ANO3: variants seen among roughly 807,000 people sequenced by gnomAD.
ANO3 encodes anoctamin-3.
Under a neutral mutation model 144.8 loss-of-function variants are expected in ANO3, and 99 were observed. The observed-to-expected ratio is 0.68, with a 90% confidence interval of 0.58 to 0.81. The LOEUF is 0.81. Ranked by LOEUF, ANO3 falls within the 30% of genes least tolerant of loss-of-function variation. ANO3 has a pLI of 0.00. For missense variants in ANO3, 905 were observed against 1,202.2 expected (o/e 0.75, Z 3.66); for synonymous variants, 414 against 392.6 (o/e 1.05, Z -0.64).
At chr11:26,619,775 A>G (rs887916124) in intron 17 of ANO3, among the ~76,000 whole-genome samples, 3 of 152,168 alleles carry the variant, frequency 2.0e-5, no homozygotes, top group Non-Finnish European at 2.9e-5. Context: ...CCAAAAAACT[A>G]CAGATTCTTG....
rs1392526966 is a variant in ANO3 at position 26,516,813 on chromosome 11, A to G, written c.592-14A>G. ...GATTCTAAATAATGTTGCCTATCTT[A>G]CTATCATTTGCAGCCAGCTATTGCA... is the stretch of plus-strand genomic sequence containing the variant. On this transcript the variant is annotated splice_polypyrimidine_tract_variant and intron_variant, in intron 5 of 26. Coordinates refer to ENST00000256737, the MANE Select transcript of ANO3 (RefSeq NM_031418.4). 3 of 1,569,304 alleles carry G rather than the reference A, an allele frequency of 1.9e-6. No individual in the cohort carries two copies. Among genetic ancestry groups the G allele is most frequent in the Admixed American group, 1.7e-5 (1 of 59,138 alleles).
At chr11:26,644,597 C>T (rs557690889) in intron 23 of ANO3, among the ~76,000 whole-genome samples, 1 of 152,254 alleles carries the variant, frequency 6.6e-6, no homozygotes, top group African/African-American at 2.4e-5. Context: ...TCTATTTCTG[C>T]AACAACTCCA....
At chr11:26,591,620 A>G (rs552764686) in intron 14 of ANO3, among the ~76,000 whole-genome samples, 1 of 152,322 alleles carries the variant, frequency 6.6e-6, no homozygotes, top group South Asian at 2.1e-4. Context: ...CATTCTCCAT[A>G]GAACCTCTTG....
intron 1 of ANO3, among the ~76,000 whole-genome samples, chr11:26,196,753 C>A (rs1851597406): frequency 6.6e-6 from 1 of 152,144 alleles, no homozygotes; most frequent in Non-Finnish European, 1.5e-5. Context: ...AAAATACATA[C>A]ACAGTCACAT....
chr11:26,413,955 C>G (rs547933305), intron 1 of ANO3, among the ~76,000 whole-genome samples: 1 of 152,054 alleles, frequency 6.6e-6, no homozygotes, highest in Non-Finnish European at 1.5e-5. Context: ...TGAAACTTCT[C>G]TTAGACACAG....
chr11:26,552,606 C>G lies in ANO3; in HGVS notation c.1290-643C>G, dbSNP rs984665535. 2.0e-5 allele frequency among the ~76,000 whole-genome samples: 3 copies of G among 152,092 alleles called. No homozygotes were observed. In the East Asian group the frequency reaches 5.8e-4, roughly 29 times the overall value. The stretch of plus-strand genomic sequence containing the variant: ...GTCACAAAGTCATCTAAAATGTATG[C>G]TGAGAAATTTTCTTAAAGGCAGTGG... On this transcript the variant is annotated intron_variant, in intron 12 of 26. Coordinates refer to ENST00000256737, the MANE Select transcript of ANO3 (RefSeq NM_031418.4).
At chr11:26,325,598 C>A (rs1418084874) in intron 1 of ANO3, among the ~76,000 whole-genome samples, 1 of 152,202 alleles carries the variant, frequency 6.6e-6, no homozygotes, top group East Asian at 1.9e-4. Flanking sequence ...CTTCAAAAAT[C>A]TTTTCATCCT....
At chr11:26,567,135 A>C in intron 14 of ANO3, 4 of 1,422,088 alleles carry the variant, frequency 2.8e-6, no homozygotes, top group Non-Finnish European at 3.7e-6. Context: ...GGCTAGTAAC[A>C]GAAGCTGGAA....
At chr11:26,339,792 T>A (rs1427037949) in intron 1 of ANO3, among the ~76,000 whole-genome samples, 1 of 152,170 alleles carries the variant, frequency 6.6e-6, no homozygotes, top group East Asian at 1.9e-4. Context: ...AAGCGTGAAA[T>A]AATATTCTTA....
chr11:26,493,700 C>T (rs1373380717), intron 4 of ANO3, among the ~76,000 whole-genome samples: 1 of 152,162 alleles, frequency 6.6e-6, no homozygotes, highest in East Asian at 1.9e-4. Flanking sequence ...AGTTCTGGAC[C>T]TGAGAAAGTG....
chr11:26,500,612 C>A (rs1219138753), intron 4 of ANO3, among the ~76,000 whole-genome samples: 2 of 151,990 alleles, frequency 1.3e-5, no homozygotes, highest in Admixed American at 1.3e-4. Flanking sequence ...GGAGAAATAT[C>A]TATTCAAATC....
intron 3 of ANO3, among the ~76,000 whole-genome samples, chr11:26,446,465 G>A (rs536914992): frequency 3.3e-5 from 5 of 152,230 alleles, no homozygotes; most frequent in African/African-American, 1.2e-4. Context: ...AACTGCATGT[G>A]GTCAGTGTTT....
chr11:26,465,124 T>TTGTGTGTGTG (rs36230269), intron 4 of ANO3, among the ~76,000 whole-genome samples: 140 of 145,400 alleles, frequency 9.6e-4, no homozygotes, highest in African/African-American at 2.9e-3. Flanking sequence ...CATCATTAAA[T>TTGTGTGTGTG]TGTGTGTGTG....
chr11:26,282,461 G>C (rs1026830182), intron 1 of ANO3, among the ~76,000 whole-genome samples: 2 of 152,036 alleles, frequency 1.3e-5, no homozygotes, highest in African/African-American at 4.8e-5. Context: ...TTAACTTTTA[G>C]ATTGCTGTTT....
intron 1 of ANO3, among the ~76,000 whole-genome samples, chr11:26,368,100 G>A (rs1353458025): frequency 2.0e-5 from 3 of 152,196 alleles, no homozygotes; most frequent in Non-Finnish European, 1.5e-5. Flanking sequence ...GTAATGCTGT[G>A]TTTCTAAAAG....
At chr11:26,576,325 G>T (rs1850985203) in intron 14 of ANO3, among the ~76,000 whole-genome samples, 1 of 152,116 alleles carries the variant, frequency 6.6e-6, no homozygotes, top group African/African-American at 2.4e-5. Context: ...ATAATTGTGT[G>T]TTACTGGACA....
chr11:26,306,386 G>A (rs140396068), upstream of ANO3, among the ~76,000 whole-genome samples: 56 of 152,146 alleles, frequency 3.7e-4, no homozygotes, highest in African/African-American at 1.3e-3. Context: ...CAAGGCTCCC[G>A]AATGCATGGA....
rs183171850 is a variant in ANO3, at chr11:26,191,324, A to G, written c.154+1994A>G. ...TATATATACACACACACACATATATATATACACACATACACACACACACAC... is the reference window on the plus strand; with the variant it reads ...TATATATACACACACACACATATATGTATACACACATACACACACACACAC... On this transcript the variant is annotated intron_variant, in intron 1 of 27. Transcript: ENST00000672621. Among the ~76,000 whole-genome samples the G allele has an allele frequency of 6.7e-3, 1,003 of 149,774 alleles. 4 individuals are homozygous for G. Among genetic ancestry groups the G allele is most frequent in the Admixed American group, 0.013 (187 of 14,960 alleles).
chr11:26,496,727 C>T (rs762148016), intron 4 of ANO3, among the ~76,000 whole-genome samples: 16 of 152,028 alleles, frequency 1.1e-4, no homozygotes, highest in Non-Finnish European at 2.1e-4. Context: ...TCTCTATATT[C>T]GTGTGTACAT....
Sources: allele counts gnomAD v4.1 joint callset (sites outside exome capture counted in the v4.1 genomes callset), GRCh38; gene constraint gnomAD v4.1.1; transcripts MANE v1.5; gene names NCBI Gene and HGNC (gene_info 2026-07-23, HGNC 2026-07-21).